RPS6KC1: variants seen among roughly 807,000 people sequenced by gnomAD.
The protein encoded by RPS6KC1 is ribosomal protein S6 kinase C1, also known as inactive ribosomal protein S6 kinase delta-1.
RPS6KC1 carries 54 observed loss-of-function variants against 103.8 expected under a neutral mutation model. The ratio of observed to expected loss-of-function variants is 0.52; its 90% CI spans 0.42 to 0.65. The LOEUF (loss-of-function observed/expected upper bound fraction) is 0.65, where lower values mean the gene tolerates loss of function less well. RPS6KC1 is among the 30% of genes least tolerant of loss of function. The pLI, the probability that RPS6KC1 is intolerant of heterozygous loss-of-function variation, is 0.00. For missense variants in RPS6KC1, 1,151 were observed against 1,253.8 expected, an observed-to-expected ratio of 0.92 and a Z score of 1.24; for synonymous variants, 439 against 438.7, an observed-to-expected ratio of 1.00 and a Z score of -0.01.
chr1:213,362,250 C>T, the RPS6KC1 span, among the ~76,000 whole-genome samples: 32 of 152,244 alleles, frequency 2.1e-4, no homozygotes, highest in Admixed American at 2.0e-3. Flanking sequence ...GGGATTTATG[C>T]TATGCTTGGA....
the RPS6KC1 span, among the ~76,000 whole-genome samples, chr1:213,860,086 G>A: frequency 4.0e-5 from 6 of 150,610 alleles, no homozygotes; most frequent in Non-Finnish European, 8.9e-5. Context: ...ATAGAAAAAA[G>A]GTGTAAATAT....
At chr1:213,674,510 T>C in the RPS6KC1 span, among the ~76,000 whole-genome samples, 6 of 152,244 alleles carry the variant, frequency 3.9e-5, no homozygotes, top group Admixed American at 3.3e-4. Flanking sequence ...ATTGTGTATA[T>C]ATACACCACA....
At chr1:213,165,412 T>G (rs756140737) in intron 6 of RPS6KC1, among the ~76,000 whole-genome samples, 6 of 151,200 alleles carry the variant, frequency 4.0e-5, no homozygotes, top group Non-Finnish European at 7.4e-5. Flanking sequence ...GTGTGTTTTT[T>G]TTGTTGTTGT....
intron 9 of RPS6KC1, among the ~76,000 whole-genome samples, chr1:213,230,984 T>C (rs1456726421): frequency 2.6e-5 from 4 of 152,014 alleles, no homozygotes; most frequent in Non-Finnish European, 4.4e-5. Context: ...ATCCCCCCCC[T>C]AGGTTTTGAA....
intron 4 of RPS6KC1, among the ~76,000 whole-genome samples, chr1:213,115,474 A>G (rs983128678): frequency 3.9e-5 from 6 of 151,926 alleles, no homozygotes; most frequent in Non-Finnish European, 4.4e-5. Context: ...CTAGCTGTCT[A>G]TCAGTTTTGT....
At chr1:213,810,728 G>A in the RPS6KC1 span, among the ~76,000 whole-genome samples, 1 of 152,118 alleles carries the variant, frequency 6.6e-6, no homozygotes, top group African/African-American at 2.4e-5. Flanking sequence ...CACTTTCCAG[G>A]AGTCAGGGCC....
the RPS6KC1 span, among the ~76,000 whole-genome samples, chr1:213,611,904 T>C: frequency 6.6e-6 from 1 of 152,222 alleles, no homozygotes; most frequent in African/African-American, 2.4e-5. Flanking sequence ...TAGAGCCTCC[T>C]TCCTGGAGAA....
At chr1:213,336,144 A>G in the RPS6KC1 span, among the ~76,000 whole-genome samples, 1 of 152,248 alleles carries the variant, frequency 6.6e-6, no homozygotes, top group African/African-American at 2.4e-5. Flanking sequence ...TGATTTATAA[A>G]TAGCTTAAAG....
At chr1:213,788,533 CCT>C in the RPS6KC1 span, among the ~76,000 whole-genome samples, 1 of 152,064 alleles carries the variant, frequency 6.6e-6, no homozygotes, top group African/African-American at 2.4e-5. Context: ...CATTTCTTCC[CCT>C]GACTCCCTCC....
chr1:213,136,172 G>A (rs1010427835), intron 6 of RPS6KC1, among the ~76,000 whole-genome samples: 2 of 152,060 alleles, frequency 1.3e-5, no homozygotes, highest in Non-Finnish European at 2.9e-5. Flanking sequence ...TTATCTTCAT[G>A]GCATGAAAGG....
chr1:213,496,313 T>C, the RPS6KC1 span, among the ~76,000 whole-genome samples: 1 of 152,110 alleles, frequency 6.6e-6, no homozygotes, highest in Non-Finnish European at 1.5e-5. Flanking sequence ...CAAAATGTGC[T>C]TTGCAAGAGA....
intron 6 of RPS6KC1, among the ~76,000 whole-genome samples, chr1:213,166,124 G>GT (rs112402834): frequency 2.4e-3 from 351 of 145,330 alleles, no homozygotes; most frequent in Admixed American, 2.5e-3. Flanking sequence ...TATTTGGTGA[G>GT]TTTTTTTTTT....
chr1:213,117,613 C>CT (rs201514398), intron 5 of RPS6KC1, among the ~76,000 whole-genome samples: 9 of 146,782 alleles, frequency 6.1e-5, no homozygotes, highest in East Asian at 2.0e-4. Context: ...TAATTGGCAG[C>CT]TTTTTTTTTT....
chr1:213,861,469 A>G, the RPS6KC1 span, among the ~76,000 whole-genome samples: 1 of 152,196 alleles, frequency 6.6e-6, no homozygotes, highest in Non-Finnish European at 1.5e-5. Flanking sequence ...GTTGCAGGGC[A>G]AGGAAAACAA....
chr1:213,244,301 A>G (rs2094417482), intron 12 of RPS6KC1, among the ~76,000 whole-genome samples: 1 of 152,042 alleles, frequency 6.6e-6, no homozygotes, highest in Non-Finnish European at 1.5e-5. Context: ...ATGAATTTGG[A>G]AGTTTTAGAA....
chr1:213,347,812 G>A, the RPS6KC1 span, among the ~76,000 whole-genome samples: 2,281 of 152,260 alleles, frequency 0.015, 24 homozygotes, highest in Non-Finnish European at 0.024. Context: ...TAGGAGGTGG[G>A]AAATGGGAAA....
chr1:213,154,188 G>A (rs1160617786), intron 6 of RPS6KC1, among the ~76,000 whole-genome samples: 3 of 152,162 alleles, frequency 2.0e-5, no homozygotes, highest in Non-Finnish European at 2.9e-5. Flanking sequence ...CACTATGACT[G>A]CTCTGCATCA....
At chr1:213,148,307 T>G (rs1041278563) in intron 6 of RPS6KC1, among the ~76,000 whole-genome samples, 1 of 152,160 alleles carries the variant, frequency 6.6e-6, no homozygotes, top group Non-Finnish European at 1.5e-5. Flanking sequence ...TATACTATCT[T>G]TGGGTCTGTC....
At chr1:213,144,174 A>C (rs2087433565) in intron 6 of RPS6KC1, among the ~76,000 whole-genome samples, 1 of 152,112 alleles carries the variant, frequency 6.6e-6, no homozygotes, top group African/African-American at 2.4e-5. Context: ...GAACATCTTC[A>C]AGAGTCCCAT....
Sources: gnomAD v4.1 joint callset for allele counts (sites outside exome capture counted in the v4.1 genomes callset) on GRCh38, gnomAD v4.1.1 for gene constraint, MANE v1.5 for transcripts, NCBI Gene and HGNC (gene_info 2026-07-23, HGNC 2026-07-21) for gene names.